CACNB2: variants seen among roughly 807,000 people sequenced by gnomAD.
The protein encoded by CACNB2 is calcium voltage-gated channel auxiliary subunit beta 2.
A neutral mutation model predicts 73.3 loss-of-function variants in CACNB2; 42 were observed. The ratio of observed to expected loss-of-function variants is 0.57; its 90% CI spans 0.45 to 0.74. The LOEUF (loss-of-function observed/expected upper bound fraction) is 0.74, where lower values mean the gene tolerates loss of function less well. Ranked by LOEUF, CACNB2 falls within the 30% of genes least tolerant of loss-of-function variation. The pLI is 0.00. For synonymous variants in CACNB2, 348 were observed against 310.3 expected (o/e 1.12, Z -1.28); for missense variants, 940 against 853.0 (o/e 1.10, Z -1.27).
intron 2 of CACNB2, among the ~76,000 whole-genome samples, chr10:18,279,360 T>C (rs1588921922): frequency 6.6e-6 from 1 of 152,316 alleles, no homozygotes; most frequent in Non-Finnish European, 1.5e-5. Flanking sequence ...TTGCTGATGA[T>C]TCGCACCAAG....
chr10:18,241,300 GATAA>G (rs1452239781), intron 2 of CACNB2, among the ~76,000 whole-genome samples: 2 of 152,056 alleles, frequency 1.3e-5, no homozygotes, highest in African/African-American at 4.8e-5. Context: ...ACTGAAAAAA[GATAA>G]ATAAATAAAA....
At chr10:18,480,773 G>T (rs1455616271) in intron 3 of CACNB2, among the ~76,000 whole-genome samples, 1 of 152,164 alleles carries the variant, frequency 6.6e-6, no homozygotes, top group African/African-American at 2.4e-5. Flanking sequence ...TGGTGGGCAT[G>T]AAAATTAGCA....
At chr10:18,291,741 G>T (rs558061367) in intron 2 of CACNB2, among the ~76,000 whole-genome samples, 1 of 152,232 alleles carries the variant, frequency 6.6e-6, no homozygotes, top group South Asian at 2.1e-4. Flanking sequence ...TCACCTAAGG[G>T]CAAAAATGTC....
intron 2 of CACNB2, chr10:18,401,203 G>A: frequency 7.4e-7 from 1 of 1,356,146 alleles, no homozygotes; most frequent in Non-Finnish European, 1.0e-6. Flanking sequence ...TTGGTTAATC[G>A]GATCATGATT....
At position 18,535,964 on chromosome 10, in the gene CACNB2, G is replaced by C. The variant is rs979194973; in HGVS notation, c.1207-137G>C. ...TTTATGTTAACATGTTAATTTTGCAGATAATCTTATAGCTCCATCTATTAT... is the reference window on the plus strand; with the variant it reads ...TTTATGTTAACATGTTAATTTTGCACATAATCTTATAGCTCCATCTATTAT... On this transcript the variant is annotated intron_variant, in intron 11 of 13. Coordinates refer to ENST00000324631, the MANE Select transcript of CACNB2 (RefSeq NM_201596.3). 8.5e-5 allele frequency: 53 copies of C among 620,032 alleles called. No individual in the cohort carries two copies. In the Admixed American group the frequency reaches 9.0e-4, roughly 11 times the overall value. The allele number at this position is 620,032 out of a possible 1,614,324, so 38.4% of individuals were successfully genotyped here. A position where few individuals can be genotyped will look rare whatever the true frequency, so the allele number is the denominator to read the frequency against.
intron 3 of CACNB2, among the ~76,000 whole-genome samples, chr10:18,489,617 A>T (rs187164125): frequency 6.6e-6 from 1 of 152,066 alleles, no homozygotes; most frequent in South Asian, 2.1e-4. Flanking sequence ...CCTTGGAATA[A>T]AACAATTGTA....
chr10:18,430,856 G>A (rs2045855924), intron 3 of CACNB2, among the ~76,000 whole-genome samples: 1 of 152,188 alleles, frequency 6.6e-6, no homozygotes, highest in Non-Finnish European at 1.5e-5. Context: ...AACCATTTTT[G>A]TATTTGCAGT....
At chr10:18,478,998 C>G (rs1033062198) in intron 3 of CACNB2, among the ~76,000 whole-genome samples, 1 of 151,836 alleles carries the variant, frequency 6.6e-6, no homozygotes, top group South Asian at 2.1e-4. Flanking sequence ...TTCAAGGTTG[C>G]GGTGAGTTCT....
intron 2 of CACNB2, among the ~76,000 whole-genome samples, chr10:18,179,241 A>G (rs925980370): frequency 6.6e-6 from 1 of 152,212 alleles, no homozygotes; most frequent in Non-Finnish European, 1.5e-5. Context: ...CTGGACAGAA[A>G]AAGAAAGGGT....
At position 18,220,149 on chromosome 10, in the gene CACNB2, A is replaced by G. The variant is rs1341488519; in HGVS notation, c.213+69174A>G. ...TATATATATATATATATATATATATATATATACACACACACACACACACAT... is the reference window on the plus strand; with the variant it reads ...TATATATATATATATATATATATATGTATATACACACACACACACACACAT... On this transcript the variant is annotated intron_variant, in intron 2 of 13. Coordinates refer to ENST00000324631, the MANE Select transcript of CACNB2 (RefSeq NM_201596.3). 3.8e-4 allele frequency among the ~76,000 whole-genome samples: 13 copies of G among 34,158 alleles called. 1 individual carries two copies. The highest frequency in any genetic ancestry group is 5.7e-4 in the Non-Finnish European group (11 of 19,236). 22.4% of individuals were successfully genotyped at this position (34,158 alleles called of 152,430 possible). A position where few individuals can be genotyped will look rare whatever the true frequency, so the allele number is the denominator to read the frequency against.
chr10:18,149,426 G>A (rs1444409405), intron 1 of CACNB2, among the ~76,000 whole-genome samples: 4 of 152,168 alleles, frequency 2.6e-5, no homozygotes, highest in African/African-American at 9.6e-5. Context: ...TTATGAAGTT[G>A]AGAGTTAATT....
At chr10:18,502,969 GA>G (rs976491786) in intron 5 of CACNB2, among the ~76,000 whole-genome samples, 1 of 151,656 alleles carries the variant, frequency 6.6e-6, no homozygotes, top group African/African-American at 2.4e-5. Flanking sequence ...AGTAAAAAAA[GA>G]AAAAAAAGTT....
intron 2 of CACNB2, among the ~76,000 whole-genome samples, chr10:18,209,089 T>C (rs2035216659): frequency 6.6e-6 from 1 of 152,252 alleles, no homozygotes; most frequent in Non-Finnish European, 1.5e-5. Context: ...AACTGCTTCC[T>C]TCCTCTTTTG....
chr10:18,271,369 A>T (rs2038047874), intron 2 of CACNB2, among the ~76,000 whole-genome samples: 1 of 152,224 alleles, frequency 6.6e-6, no homozygotes, highest in African/African-American at 2.4e-5. Flanking sequence ...GAAAGCACGA[A>T]ATTGACTAAA....
intron 2 of CACNB2, among the ~76,000 whole-genome samples, chr10:18,385,042 G>T (rs1184475194): frequency 6.6e-6 from 1 of 152,100 alleles, no homozygotes; most frequent in Non-Finnish European, 1.5e-5. Context: ...CACTTTGGGA[G>T]GCCGAGGTGG....
intron 2 of CACNB2, among the ~76,000 whole-genome samples, chr10:18,154,293 A>G (rs12571593): frequency 0.078 from 10,571 of 135,928 alleles, 452 homozygotes; most frequent in South Asian, 0.13. Context: ...TAAGAACTTT[A>G]AAAAAAAAAA....
chr10:18,518,797 TTTC>T, intron 8 of CACNB2, 110 bp from the exon 9 acceptor site: 1 of 970,822 alleles, frequency 1.0e-6, no homozygotes, highest in Non-Finnish European at 1.6e-6. Flanking sequence ...ATTGCCACTC[TTTC>T]CAGATGCAAA....
chr10:18,538,092 T>C (rs2053784329), intron 12 of CACNB2, 88 bp from the exon 13 acceptor site: 1 of 1,253,096 alleles, frequency 8.0e-7, no homozygotes, highest in Admixed American at 1.7e-5. Flanking sequence ...GGGGTGCAGC[T>C]CATGAGCCCC....
chr10:18,479,062 T>TA (rs2048585299), intron 3 of CACNB2, among the ~76,000 whole-genome samples: 2 of 151,814 alleles, frequency 1.3e-5, no homozygotes, highest in African/African-American at 4.8e-5. Flanking sequence ...CGTATCTAAT[T>TA]AAAAAAAAGA....
Sources: gnomAD v4.1 joint callset for allele counts (sites outside exome capture counted in the v4.1 genomes callset) on GRCh38, gnomAD v4.1.1 for gene constraint, MANE v1.5 for transcripts, NCBI Gene and HGNC (gene_info 2026-07-23, HGNC 2026-07-21) for gene names.